TOM1L2: variants seen among roughly 807,000 people sequenced by gnomAD.
TOM1L2 encodes target of myb1 like 2 membrane trafficking protein.
TOM1L2 carries 31 observed loss-of-function variants against 67.9 expected under a neutral mutation model. The observed-to-expected ratio is 0.46, with a 90% CI of 0.34 to 0.62. TOM1L2 has a LOEUF of 0.62. TOM1L2 is among the 20% of genes least tolerant of loss of function. TOM1L2 has a pLI of 0.01. For synonymous variants in TOM1L2, 256 were observed against 254.0 expected (o/e 1.01, Z -0.07); for missense variants, 606 against 663.5 (o/e 0.91, Z 0.95).
At chr17:17,880,608 C>T (rs2037673185) in intron 6 of TOM1L2, among the ~76,000 whole-genome samples, 1 of 152,180 alleles carries the variant, frequency 6.6e-6, no homozygotes, top group African/African-American at 2.4e-5. Context: ...TGACAAGAGA[C>T]CAAATAACGC....
chr17:17,894,299 C>T (rs2038447402), intron 3 of TOM1L2, among the ~76,000 whole-genome samples: 1 of 152,182 alleles, frequency 6.6e-6, no homozygotes, highest in Non-Finnish European at 1.5e-5. Flanking sequence ...CCACTCAACC[C>T]TGCTTCTGCA....
chr17:17,900,539 AG>A (rs2038803667), intron 2 of TOM1L2, among the ~76,000 whole-genome samples: 244 of 150,276 alleles, frequency 1.6e-3, no homozygotes, highest in African/African-American at 5.7e-3. Context: ...AAAAAAAAAA[AG>A]AGAGAAAGAA....
intron 1 of TOM1L2, among the ~76,000 whole-genome samples, chr17:17,956,754 C>G (rs910713520): frequency 2.0e-5 from 3 of 152,210 alleles, no homozygotes; most frequent in African/African-American, 7.2e-5. Context: ...CCTCACTGCC[C>G]GGGGCCTGCG....
chr17:17,957,155 A>T (rs975958927), intron 1 of TOM1L2, among the ~76,000 whole-genome samples: 1 of 152,128 alleles, frequency 6.6e-6, no homozygotes, highest in African/African-American at 2.4e-5. Flanking sequence ...TAATTTTTAA[A>T]TTTTTTGTAG....
At chr17:17,925,365 G>C (rs2040041377) in intron 1 of TOM1L2, among the ~76,000 whole-genome samples, 1 of 151,892 alleles carries the variant, frequency 6.6e-6, no homozygotes, top group Non-Finnish European at 1.5e-5. Flanking sequence ...AAGATAAATG[G>C]GAAAAAGTGA....
intron 7 of TOM1L2, among the ~76,000 whole-genome samples, chr17:17,873,817 C>T (rs1325079875): frequency 6.6e-6 from 1 of 152,254 alleles, no homozygotes; most frequent in East Asian, 1.9e-4. Flanking sequence ...AGGCCACTGT[C>T]ATGCTGCAGC....
intron 5 of TOM1L2, among the ~76,000 whole-genome samples, chr17:17,883,667 G>A (rs1467468094): frequency 6.6e-6 from 1 of 152,218 alleles, no homozygotes; most frequent in African/African-American, 2.4e-5. Flanking sequence ...CCAGAAGGCG[G>A]AGCGTGCAGT....
chr17:17,943,405 G>A (rs1245631236), intron 1 of TOM1L2, among the ~76,000 whole-genome samples: 1 of 152,202 alleles, frequency 6.6e-6, no homozygotes, highest in Non-Finnish European at 1.5e-5. Flanking sequence ...GCTGGGGTGC[G>A]ACAGAGGGCT....
At chr17:17,948,519 G>A (rs932462425) in intron 1 of TOM1L2, among the ~76,000 whole-genome samples, 4 of 152,196 alleles carry the variant, frequency 2.6e-5, no homozygotes, top group East Asian at 1.9e-4. Flanking sequence ...AGGTATGGTG[G>A]TGCACGTCTG....
chr17:17,944,933 G>A (rs953277907), intron 1 of TOM1L2, among the ~76,000 whole-genome samples: 4 of 152,102 alleles, frequency 2.6e-5, no homozygotes, highest in East Asian at 3.9e-4. Flanking sequence ...TTCATAGGCC[G>A]GATGCTCCTG....
chr17:17,900,444 C>G lies in TOM1L2; in HGVS notation c.138-1770G>C, dbSNP rs1475256821. 2.0e-5 allele frequency among the ~76,000 whole-genome samples: 3 copies of G among 150,684 alleles called. No individual in the cohort carries two copies. The East Asian group carries it at 5.8e-4, about 29-fold the overall frequency. On this transcript the variant is annotated intron_variant, in intron 2 of 14. Transcript: ENST00000379504. ...GGCTGAGGCAAGAGAATTGCTTGAA[C>G]CTGAGATGTGAAGGTTGCAGTGAGC... is the stretch of plus-strand genomic sequence containing the variant.
At chr17:17,958,068 C>A (rs1213974858) in intron 1 of TOM1L2, among the ~76,000 whole-genome samples, 1 of 146,596 alleles carries the variant, frequency 6.8e-6, no homozygotes, top group Non-Finnish European at 1.5e-5. Context: ...CCAGCCTGGG[C>A]AACAGAGCAA....
intron 1 of TOM1L2, among the ~76,000 whole-genome samples, chr17:17,942,296 C>T (rs7224621): frequency 0.018 from 2,692 of 152,176 alleles, 87 homozygotes; most frequent in African/African-American, 0.062. Context: ...TAATAAATAG[C>T]AGTAATAAGG....
intron 1 of TOM1L2, among the ~76,000 whole-genome samples, chr17:17,950,608 G>A (rs1410796593): frequency 5.9e-5 from 9 of 152,150 alleles, no homozygotes; most frequent in African/African-American, 2.2e-4. Context: ...TTGGCGGGGA[G>A]CCTTAGGCAG....
intron 1 of TOM1L2, among the ~76,000 whole-genome samples, chr17:17,936,082 T>G (rs1235566302): frequency 2.0e-5 from 3 of 152,250 alleles, no homozygotes; most frequent in Non-Finnish European, 4.4e-5. Context: ...GTCTACATTC[T>G]GTCACTTGGC....
intron 1 of TOM1L2, among the ~76,000 whole-genome samples, chr17:17,911,914 TAATCCATTTAACCCTGAGTGGACAC>T (rs2039371526): frequency 6.7e-6 from 1 of 148,802 alleles, no homozygotes; most frequent in Non-Finnish European, 1.5e-5. Flanking sequence ...GCACCGCCCT[TAATCCATTTAACCCTGAGTGGACAC>T]AGCACATGTT....
intron 4 of TOM1L2, among the ~76,000 whole-genome samples, chr17:17,888,196 G>T (rs1598271732): frequency 6.6e-6 from 1 of 152,196 alleles, no homozygotes; most frequent in East Asian, 1.9e-4. Context: ...CAAGTGGTCA[G>T]TTCACTGGAA....
At chr17:17,850,671 C>T (rs953185827) in intron 13 of TOM1L2, among the ~76,000 whole-genome samples, 4 of 152,138 alleles carry the variant, frequency 2.6e-5, no homozygotes, top group African/African-American at 9.7e-5. Context: ...CAAGGCCTTG[C>T]CCCCAGCACA....
intron 1 of TOM1L2, among the ~76,000 whole-genome samples, chr17:17,930,268 CA>C (rs1432168897): frequency 6.6e-6 from 1 of 152,110 alleles, no homozygotes; most frequent in Non-Finnish European, 1.5e-5. Flanking sequence ...TACCAACATA[CA>C]AACTTTAGCC....
Sources: allele counts gnomAD v4.1 joint callset (sites outside exome capture counted in the v4.1 genomes callset), GRCh38; gene constraint gnomAD v4.1.1; transcripts MANE v1.5; gene names NCBI Gene and HGNC (gene_info 2026-07-23, HGNC 2026-07-21).